The following MDFIC variants were observed in gnomAD, a reference collection of about 807,000 sequenced individuals.
MDFIC encodes the protein MyoD family inhibitor domain containing, also known as myoD family inhibitor domain-containing protein.
In MDFIC, 17 loss-of-function variants were observed where a neutral mutation model predicts 23.2. The observed-to-expected ratio is 0.73, with a 90% CI of 0.50 to 1.10. The LOEUF (loss-of-function observed/expected upper bound fraction) is 1.10, where lower values mean the gene tolerates loss of function less well. Ranked by LOEUF, MDFIC falls within the 50% of genes least tolerant of loss-of-function variation. The pLI, the probability that MDFIC is intolerant of heterozygous loss-of-function variation, is 0.00. For synonymous variants in MDFIC, 120 were observed against 115.2 expected, an observed-to-expected ratio of 1.04 and a Z score of -0.27; for missense variants, 356 against 316.6, an observed-to-expected ratio of 1.12 and a Z score of -0.95.
chr7:115,015,468 C>T (rs1791776749), intron 4 of MDFIC, among the ~76,000 whole-genome samples: 1 of 151,502 alleles, frequency 6.6e-6, no homozygotes, highest in Non-Finnish European at 1.5e-5. Context: ...TGCGTACACA[C>T]AATACTTTTT....
At chr7:114,980,724 C>T (rs570072408) in intron 4 of MDFIC, among the ~76,000 whole-genome samples, 1 of 152,202 alleles carries the variant, frequency 6.6e-6, no homozygotes, top group African/African-American at 2.4e-5. Context: ...TCCTTATTCC[C>T]CTTTCCTTTC....
intron 2 of MDFIC, among the ~76,000 whole-genome samples, chr7:114,933,362 G>A (rs139640869): frequency 0.016 from 2,455 of 151,362 alleles, 22 homozygotes; most frequent in Non-Finnish European, 0.023. Flanking sequence ...AGGTTCAAGC[G>A]ATTCTCCTGC....
At chr7:114,980,004 T>C (rs1793390676) in intron 4 of MDFIC, 2 of 592,516 alleles carry the variant, frequency 3.4e-6, no homozygotes, top group East Asian at 3.1e-5. Flanking sequence ...CTAGAGTGAA[T>C]AGTCATTACT....
At chr7:114,963,175 A>G (rs878903395) in intron 3 of MDFIC, among the ~76,000 whole-genome samples, 4 of 152,210 alleles carry the variant, frequency 2.6e-5, no homozygotes, top group African/African-American at 9.6e-5. Flanking sequence ...ATAATTTATA[A>G]TGGTAATGGC....
intron 3 of MDFIC, among the ~76,000 whole-genome samples, chr7:114,953,745 T>C (rs1277162269): frequency 2.6e-5 from 4 of 152,354 alleles, no homozygotes; most frequent in Non-Finnish European, 4.4e-5. Flanking sequence ...AGATGCCTTA[T>C]ATAAAATGGC....
In MDFIC at chr7:114,922,267, C is replaced by G. The variant is rs888545477; in HGVS notation, c.-477C>G. 6 of 756,264 alleles carry G rather than the reference C, an allele frequency of 7.9e-6. No individual in the cohort carries two copies. In the Admixed American group the frequency reaches 1.3e-4, roughly 16 times the overall value. 46.8% of individuals were successfully genotyped at this position (756,264 alleles called of 1,614,324 possible). A position where few individuals can be genotyped will look rare whatever the true frequency, so the allele number is the denominator to read the frequency against. The stretch of plus-strand genomic sequence containing the variant: ...GGGCCGCTAGCCAAGAGTTCGAGGC[C>G]TTCCCGATCCGGATGTGATGAAAAA... On this transcript the variant is annotated 5_prime_UTR_variant, in exon 1 of 5. Transcript: ENST00000393486.
chr7:114,950,993 G>T (rs1489556755), intron 3 of MDFIC, among the ~76,000 whole-genome samples: 1 of 152,016 alleles, frequency 6.6e-6, no homozygotes, highest in Non-Finnish European at 1.5e-5. Context: ...GGGCAATATA[G>T]TGAAACCCTG....
rs938302946 is a variant in MDFIC, at chr7:115,016,147, T to G, written c.*212T>G. ...AACTACTTTAACTAGTTTTATAAAT[T>G]TCTTAATATGTTACAATAACTTAGG... On this transcript the variant is annotated 3_prime_UTR_variant, in exon 5 of 5. Coordinates refer to ENST00000393486, the MANE Select transcript of MDFIC (RefSeq NM_001166345.3). 1 of 515,742 alleles carries G rather than the reference T, an allele frequency of 1.9e-6. No homozygotes were observed. The highest frequency in any genetic ancestry group is 3.4e-6 in the Non-Finnish European group (1 of 297,450). 31.9% of individuals were successfully genotyped at this position (515,742 alleles called of 1,614,324 possible). A position where few individuals can be genotyped will look rare whatever the true frequency, so the allele number is the denominator to read the frequency against.
chr7:114,965,218 T>A (rs1585105514), intron 3 of MDFIC, among the ~76,000 whole-genome samples: 1 of 152,080 alleles, frequency 6.6e-6, no homozygotes, highest in African/African-American at 2.4e-5. Context: ...AGTTTGGGAA[T>A]CAGGAGAAAT....
intron 3 of MDFIC, among the ~76,000 whole-genome samples, chr7:114,942,962 C>T (rs1371379272): frequency 6.6e-6 from 1 of 152,168 alleles, no homozygotes; most frequent in African/African-American, 2.4e-5. Flanking sequence ...TGGGGTTCTG[C>T]TCTCGAGCTC....
intron 2 of MDFIC, among the ~76,000 whole-genome samples, chr7:114,934,239 C>T (rs1391652999): frequency 2.6e-5 from 4 of 152,082 alleles, no homozygotes; most frequent in Non-Finnish European, 4.4e-5. Context: ...GGGTAAGGTA[C>T]AGTAAGTTTA....
chr7:114,986,175 T>C (rs997025114), intron 4 of MDFIC, among the ~76,000 whole-genome samples: 1 of 152,168 alleles, frequency 6.6e-6, no homozygotes, highest in Admixed American at 6.6e-5. Context: ...CCAGTTTATA[T>C]TGTACAGGCT....
chr7:114,991,035 A>C (rs965134683), intron 4 of MDFIC, among the ~76,000 whole-genome samples: 2 of 151,676 alleles, frequency 1.3e-5, no homozygotes, highest in Non-Finnish European at 2.9e-5. Context: ...TTTAATGATC[A>C]CCATTCTAAC....
rs560679726 is a variant in MDFIC at position 114,923,877 on chromosome 7, G to T, written c.94+750G>T. 2.0e-5 allele frequency among the ~76,000 whole-genome samples: 3 copies of T among 152,290 alleles called. No homozygotes were observed. In the South Asian group the frequency reaches 6.2e-4, roughly 32 times the overall value. ...ACTCTAAGGATGGTTTTGAGCTAAA[G>T]AATTCTGTCACTGATATATCAGAAC... On this transcript the variant is annotated intron_variant, in intron 2 of 4. Transcript: ENST00000393486.
At chr7:114,995,773 G>GT (rs912174432) in intron 4 of MDFIC, among the ~76,000 whole-genome samples, 1 of 152,216 alleles carries the variant, frequency 6.6e-6, no homozygotes, top group African/African-American at 2.4e-5. Context: ...GTGCCTCCCA[G>GT]TTAGGCTACT....
chr7:114,982,696 A>T (rs1793438923), intron 4 of MDFIC, among the ~76,000 whole-genome samples: 1 of 152,124 alleles, frequency 6.6e-6, no homozygotes, highest in African/African-American at 2.4e-5. Context: ...CCCTGTCTCT[A>T]AAATAAATAA....
chr7:114,935,901 CA>C (rs1417718950), intron 2 of MDFIC, among the ~76,000 whole-genome samples: 1 of 152,096 alleles, frequency 6.6e-6, no homozygotes. Context: ...ATACTGCCCT[CA>C]CCAGCCTCCT....
chr7:114,991,863 G>T (rs981791441), intron 4 of MDFIC, among the ~76,000 whole-genome samples: 2 of 152,194 alleles, frequency 1.3e-5, no homozygotes, highest in Non-Finnish European at 2.9e-5. Flanking sequence ...GAACTTTAAA[G>T]TAGTTTTTTC....
At chr7:115,015,656 A>C (rs2116155703) in intron 4 of MDFIC, 32 bp from the exon 5 acceptor site, 6 of 1,595,686 alleles carry the variant, frequency 3.8e-6, no homozygotes, top group Non-Finnish European at 5.1e-6. Context: ...CCTTTTTCTC[A>C]CTATATGGTC....
Sources: allele counts gnomAD v4.1 joint callset (sites outside exome capture counted in the v4.1 genomes callset), GRCh38; gene constraint gnomAD v4.1.1; transcripts MANE v1.5; gene names NCBI Gene and HGNC (gene_info 2026-07-23, HGNC 2026-07-21).